COL23A1: variants seen among roughly 807,000 people sequenced by gnomAD.
COL23A1 encodes the protein collagen alpha-1(XXIII) chain.
COL23A1 carries 97 observed loss-of-function variants against 99.3 expected under a neutral mutation model. The observed-to-expected ratio is 0.98, with a 90% CI of 0.83 to 1.16. COL23A1 has a LOEUF of 1.16. Ranked by LOEUF, COL23A1 falls within the 50% of genes most tolerant of loss-of-function variation. The pLI, the probability that COL23A1 is intolerant of heterozygous loss-of-function variation, is 0.00. For missense variants in COL23A1, 762 were observed against 757.4 expected (o/e 1.01, Z -0.07); for synonymous variants, 320 against 308.2 (o/e 1.04, Z -0.40).
At chr5:178,246,197 G>A in intron 24 of COL23A1, 57 bp downstream of exon 24, 2 of 1,535,402 alleles carry the variant, frequency 1.3e-6, no homozygotes, top group East Asian at 4.9e-5. Context: ...CCCGGGCTGA[G>A]CGCCACCATG....
chr5:178,512,498 G>A (rs944630529), intron 2 of COL23A1, among the ~76,000 whole-genome samples: 1 of 152,198 alleles, frequency 6.6e-6, no homozygotes, highest in African/African-American at 2.4e-5. Context: ...GCAAGGGAGA[G>A]AGACAGATAC....
At chr5:178,328,733 G>A (rs865911104) in intron 2 of COL23A1, among the ~76,000 whole-genome samples, 5 of 152,250 alleles carry the variant, frequency 3.3e-5, no homozygotes, top group African/African-American at 7.2e-5. Flanking sequence ...GTTTGGTGCC[G>A]ACACACAACC....
At chr5:178,432,852 T>G (rs1766339143) in intron 2 of COL23A1, among the ~76,000 whole-genome samples, 1 of 152,114 alleles carries the variant, frequency 6.6e-6, no homozygotes, top group Non-Finnish European at 1.5e-5. Context: ...TCAGCTGTTC[T>G]GCTGACCTGT....
chr5:178,406,959 T>G (rs573439141), intron 2 of COL23A1, among the ~76,000 whole-genome samples: 2 of 152,304 alleles, frequency 1.3e-5, no homozygotes, highest in Non-Finnish European at 2.9e-5. Flanking sequence ...AGACATTATA[T>G]ATACATATGA....
intron 2 of COL23A1, among the ~76,000 whole-genome samples, chr5:178,380,584 T>C (rs1295025671): frequency 6.6e-6 from 1 of 152,240 alleles, no homozygotes; most frequent in Admixed American, 6.5e-5. Context: ...ACAGAATGTA[T>C]ACATTTCTAC....
chr5:178,490,614 A>AG (rs1416725430), intron 2 of COL23A1, among the ~76,000 whole-genome samples: 65 of 152,204 alleles, frequency 4.3e-4, no homozygotes, highest in African/African-American at 1.4e-3. Flanking sequence ...GAAAAAAAAA[A>AG]ATCTTTAAAA....
At chr5:178,561,237 G>A (rs1762544188) in intron 1 of COL23A1, among the ~76,000 whole-genome samples, 1 of 152,224 alleles carries the variant, frequency 6.6e-6, no homozygotes. Flanking sequence ...GGACCTGATG[G>A]CCCGGGTTGA....
At chr5:178,357,755 T>G (rs111261113) in intron 2 of COL23A1, among the ~76,000 whole-genome samples, 1,896 of 148,110 alleles carry the variant, frequency 0.013, 32 homozygotes, top group African/African-American at 0.046. Context: ...TGTATGTGTG[T>G]GTGTACGTGT....
At chr5:178,325,546 G>A (rs1315210792) in intron 2 of COL23A1, among the ~76,000 whole-genome samples, 3 of 151,930 alleles carry the variant, frequency 2.0e-5, no homozygotes, top group African/African-American at 4.8e-5. Flanking sequence ...CTAGGACATG[G>A]ACTTATGTCT....
chr5:178,457,688 T>C (rs964266541), intron 2 of COL23A1, among the ~76,000 whole-genome samples: 1 of 152,182 alleles, frequency 6.6e-6, no homozygotes, highest in Non-Finnish European at 1.5e-5. Flanking sequence ...GGTAACACAA[T>C]TTCACAGATT....
At position 178,340,042 on chromosome 5, in the gene COL23A1, A is replaced by G. The variant is rs1001224919; in HGVS notation, c.362-33123T>C. On this transcript the variant is annotated intron_variant, in intron 2 of 28. Coordinates refer to ENST00000390654, the MANE Select transcript of COL23A1 (RefSeq NM_173465.4). This position sits in a 1 kb window ranked among gnomAD's most constrained non-coding sequence, Gnocchi z 4.7. ...GGGGGATGAAGAGATGAGTAGAGGG[A>G]TGAGGGGTCGATGAATGGATGGACG... 6.6e-6 allele frequency among the ~76,000 whole-genome samples: 1 copy of G among 152,028 alleles called. No homozygotes were observed. Among genetic ancestry groups the G allele is most frequent in the Non-Finnish European group, 1.5e-5 (1 of 67,988 alleles).
chr5:178,376,840 A>T (rs1581259258), intron 2 of COL23A1, among the ~76,000 whole-genome samples: 2 of 152,374 alleles, frequency 1.3e-5, no homozygotes, highest in Middle Eastern at 6.8e-3. Flanking sequence ...AAGGAGGCTA[A>T]ATTAGGGCTT....
chr5:178,446,709 T>C (rs566587426), intron 2 of COL23A1, among the ~76,000 whole-genome samples: 72 of 152,294 alleles, frequency 4.7e-4, no homozygotes, highest in African/African-American at 1.6e-3. Context: ...CTTCATGTTT[T>C]ATGACCTTGT....
chr5:178,327,319 C>T (rs1411641100), intron 2 of COL23A1, among the ~76,000 whole-genome samples: 1 of 152,174 alleles, frequency 6.6e-6, no homozygotes, highest in Non-Finnish European at 1.5e-5. Flanking sequence ...GAGACACGTG[C>T]AGGTGCCCTG....
intron 16 of COL23A1, among the ~76,000 whole-genome samples, chr5:178,254,320 G>A (rs987096501): frequency 1.3e-5 from 2 of 152,222 alleles, no homozygotes; most frequent in African/African-American, 4.8e-5. Context: ...CTGGGGGTGG[G>A]TGCCACAGTT....
chr5:178,256,972 C>T (rs57150674), intron 13 of COL23A1, 44 bp from the exon 14 acceptor site: 155 of 1,593,532 alleles, frequency 9.7e-5, no homozygotes, highest in Middle Eastern at 1.7e-4. Context: ...TGAGACGGCA[C>T]GTGGCGGGTG....
chr5:178,251,362 C>T (rs139890083), intron 17 of COL23A1, among the ~76,000 whole-genome samples: 1 of 152,012 alleles, frequency 6.6e-6, no homozygotes, highest in Non-Finnish European at 1.5e-5. Context: ...ATCTGGTCAG[C>T]TGGATACATT....
chr5:178,321,995 AC>A (rs1759347347), intron 2 of COL23A1, among the ~76,000 whole-genome samples: 2 of 123,698 alleles, frequency 1.6e-5, no homozygotes, highest in South Asian at 4.9e-4. Flanking sequence ...TTAATTTTTA[AC>A]TTTTTTTTTT....
At position 178,347,359 on chromosome 5, in the gene COL23A1, G is replaced by A. The variant is rs555881936; in HGVS notation, c.362-40440C>T. ...TGGTTCCACTCACAGGAAATGTCCC[G>A]AACAGGCGAATCCAGAGAGACTGAA... On this transcript the variant is annotated intron_variant, in intron 2 of 28. Transcript: ENST00000390654. Among the ~76,000 whole-genome samples, 233 of 151,764 alleles carry A rather than the reference G, an allele frequency of 1.5e-3. 2 individuals carry two copies. The highest frequency in any genetic ancestry group is 5.4e-3 in the African/African-American group (223 of 41,394).
Sources: allele counts gnomAD v4.1 joint callset (sites outside exome capture counted in the v4.1 genomes callset), GRCh38; gene constraint gnomAD v4.1.1; non-coding constraint Gnocchi (gnomAD v3.1); transcripts MANE v1.5; gene names NCBI Gene and HGNC (gene_info 2026-07-23, HGNC 2026-07-21).